The following SHROOM2 variants were observed in gnomAD, a reference collection of about 807,000 sequenced individuals.
The protein encoded by SHROOM2 is protein Shroom2.
Under a neutral mutation model 75.9 loss-of-function variants are expected in SHROOM2, and 33 were observed. The observed-to-expected ratio is 0.43, with a 90% CI of 0.33 to 0.58. The LOEUF is 0.58. Ranked by LOEUF, SHROOM2 falls within the 20% of genes least tolerant of loss-of-function variation. The probability of loss-of-function intolerance (pLI) is 0.04; values close to 1 mark genes in which losing one functional copy is unlikely to be tolerated. For synonymous variants in SHROOM2, 655 were observed against 663.6 expected, an observed-to-expected ratio of 0.99 and a Z score of 0.20; for missense variants, 1,434 against 1,461.2, an observed-to-expected ratio of 0.98 and a Z score of 0.30.
chrX:9,894,532 G>T lies in SHROOM2; in HGVS notation c.624G>T (p.Ser208=). 8.3e-7 allele frequency: 1 copy of T among 1,211,417 alleles called. No individual in the cohort carries two copies. Among genetic ancestry groups the T allele is most frequent in the Non-Finnish European group, 1.1e-6 (1 of 895,446 alleles). The change falls in exon 4 of 10, where the codon TCG becomes TCT. Residue 208 remains serine, a synonymous_variant. Coordinates refer to ENST00000380913, the MANE Select transcript of SHROOM2 (RefSeq NM_001649.4). ...DHLGSHSKRD[S]AYGSFSTSSS... ...TGGGCAGCCACAGCAAGCGCGACTC[G>T]GCCTACGGCTCCTTCTCCACCAGCT...
At chrX:9,855,594 G>A (rs2084065139) in intron 1 of SHROOM2, among the ~76,000 whole-genome samples, 1 of 111,624 alleles carries the variant, frequency 9.0e-6, no homozygotes, top group Non-Finnish European at 1.9e-5. Flanking sequence ...GTCCCTAAAA[G>A]GACTGAGTAC....
intron 5 of SHROOM2, among the ~76,000 whole-genome samples, chrX:9,926,399 C>T (rs967039196): frequency 9.0e-6 from 1 of 111,715 alleles, no homozygotes; most frequent in Non-Finnish European, 1.9e-5. Context: ...CAGCTGATCT[C>T]GTGGGATGTG....
At chrX:9,902,760 T>C (rs2084371534) in intron 5 of SHROOM2, among the ~76,000 whole-genome samples, 3 of 111,730 alleles carry the variant, frequency 2.7e-5, no homozygotes, top group African/African-American at 9.8e-5. Flanking sequence ...TCTGGGTGGC[T>C]CCAGAGACTG....
chrX:9,861,842 G>A (rs1026796264), intron 1 of SHROOM2, among the ~76,000 whole-genome samples: 1 of 111,143 alleles, frequency 9.0e-6, no homozygotes, highest in East Asian at 2.8e-4. Context: ...GAAACGCTCC[G>A]TGCCCCCACC....
chrX:9,895,754 G>A lies in SHROOM2; in HGVS notation c.1846G>A (p.Val616Met), dbSNP rs1263906462. 7 of 1,200,885 alleles carry A rather than the reference G, an allele frequency of 5.8e-6. No homozygotes were observed. The highest frequency in any genetic ancestry group is 5.4e-5 in the South Asian group (3 of 55,497). Residue 616 changes from valine (V) to methionine (M), a missense_variant, in exon 4 of 10, where the codon GTG becomes ATG. Around this residue, in one of 3 missense-constraint regions of SHROOM2, gnomAD observed 1,340 missense variants for 1,338.3 expected, o/e 1.00. Coordinates refer to ENST00000380913, the MANE Select transcript of SHROOM2 (RefSeq NM_001649.4). Reference protein sequence around the residue: ...ATRPPPFDAHVGKPTRRSDRF... With the variant: ...ATRPPPFDAHMGKPTRRSDRF... ...CAGACCGCCACCGTTCGACGCCCAC[G>A]TGGGCAAGCCCACCCGAAGAAGCGA...
rs1309448191 is a variant in SHROOM2, at chrX:9,945,234, G to T, written c.4584+321G>T. Among the ~76,000 whole-genome samples the T allele has an allele frequency of 6.3e-5, 7 of 110,410 alleles. No individual in the cohort carries two copies. The East Asian group carries it at 1.4e-3, about 23-fold the overall frequency. On this transcript the variant is annotated intron_variant, in intron 9 of 9. Transcript: ENST00000380913. ...AGAGATTCTCCCACCTCAGCTTCCC[G>T]GGTAGCTGAGCTCCCAGGTGCATGC...
At chrX:9,890,884 G>C in intron 2 of SHROOM2, 93 bp from the exon 3 acceptor site, 1 of 923,296 alleles carries the variant, frequency 1.1e-6, no homozygotes, top group Non-Finnish European at 1.5e-6. Flanking sequence ...CGTGTGCCCT[G>C]TGTGCGGTCC....
chrX:9,797,043 C>G (rs1043506674), intron 1 of SHROOM2, among the ~76,000 whole-genome samples: 3 of 112,206 alleles, frequency 2.7e-5, no homozygotes, highest in Non-Finnish European at 5.6e-5. Flanking sequence ...TTCACTCTTT[C>G]AATCTTTGGA....
rs748881308 is a variant in SHROOM2 at position 9,895,251 on chromosome X, G to A, written c.1343G>A (p.Gly448Glu). The change falls in exon 4 of 10, where the codon GGG (glycine) becomes GAG (glutamate). Residue 448 changes from glycine (G) to glutamate (E), a missense_variant. By Grantham distance (98) the Gly-to-Glu change is moderately conservative. Transcript: ENST00000380913. Reference protein sequence around the residue: ...LCADSLGQEPGAASFQNDSPP... With the variant: ...LCADSLGQEPEAASFQNDSPP... ...GCTGACAGCCTTGGGCAGGAGCCAG[G>A]GGCTGCCAGCTTCCAGAACGACAGC... The A allele has an allele frequency of 2.5e-6, 3 of 1,188,954 alleles. No individual in the cohort carries two copies. Among genetic ancestry groups the A allele is most frequent in the African/African-American group, 3.5e-5 (2 of 57,231 alleles).
intron 8 of SHROOM2, among the ~76,000 whole-genome samples, chrX:9,942,885 G>A (rs938595135): frequency 9.0e-6 from 1 of 111,616 alleles, no homozygotes; most frequent in African/African-American, 3.3e-5. Context: ...TCTCTGTGTA[G>A]CGTTCCTTCC....
intron 5 of SHROOM2, among the ~76,000 whole-genome samples, chrX:9,903,498 G>GGA (rs2147024874): frequency 8.9e-6 from 1 of 112,196 alleles, no homozygotes; most frequent in East Asian, 2.8e-4. Context: ...GGTAGCTGTA[G>GGA]GAGAGAGCCT....
At chrX:9,792,082 A>G (rs1385746042) in intron 1 of SHROOM2, among the ~76,000 whole-genome samples, 4 of 11,439 alleles carry the variant, frequency 3.5e-4, no homozygotes, top group African/African-American at 7.7e-4. Context: ...AATAGAATAG[A>G]ATAGAATAGA....
At chrX:9,807,343 G>A (rs1252653698) in intron 1 of SHROOM2, among the ~76,000 whole-genome samples, 2 of 112,276 alleles carry the variant, frequency 1.8e-5, no homozygotes, top group Non-Finnish European at 3.8e-5. Flanking sequence ...TCAGGCGTGC[G>A]AGTTTGGGGG....
intron 1 of SHROOM2, among the ~76,000 whole-genome samples, chrX:9,863,906 T>C (rs1302340892): frequency 8.9e-6 from 1 of 111,851 alleles, no homozygotes; most frequent in African/African-American, 3.3e-5. Context: ...GTTGTTAATG[T>C]CCTTACAGAA....
chrX:9,841,166 G>C (rs1179095724), intron 1 of SHROOM2, among the ~76,000 whole-genome samples: 1 of 111,730 alleles, frequency 9.0e-6, no homozygotes, highest in Non-Finnish European at 1.9e-5. Flanking sequence ...GTTTTGGCCA[G>C]GCTAGTCTCA....
chrX:9,880,123 G>T (rs1406909498), intron 2 of SHROOM2, among the ~76,000 whole-genome samples: 2 of 112,038 alleles, frequency 1.8e-5, no homozygotes, highest in Admixed American at 9.4e-5. Flanking sequence ...AGGGATCTGG[G>T]GACAGGTCTT....
chrX:9,828,854 G>A (rs2083901665), intron 1 of SHROOM2, among the ~76,000 whole-genome samples: 1 of 111,991 alleles, frequency 8.9e-6, no homozygotes, highest in Non-Finnish European at 1.9e-5. Context: ...ATTTTGAACA[G>A]GCAAATGACA....
rs747146749 is a variant in SHROOM2, at chrX:9,925,431, GA to G, written c.2892-6742del. Among the ~76,000 whole-genome samples the G allele has an allele frequency of 3.5e-5, 4 of 112,906 alleles. No individual in the cohort carries two copies. The East Asian group carries it at 1.1e-3, about 31-fold the overall frequency. ...CCTGATAAAAATTCTGTGCTTTACA[GA>G]ATCCCTTCTATTTATGCCCACAACC... On this transcript the variant is annotated intron_variant, in intron 5 of 9. Transcript: ENST00000380913.
At chrX:9,893,287 A>G (rs753575363) in intron 3 of SHROOM2, among the ~76,000 whole-genome samples, 119 of 111,216 alleles carry the variant, frequency 1.1e-3, no homozygotes, top group African/African-American at 3.7e-3. Context: ...AAAAGTTTTT[A>G]TAGAGATGGG....
Sources: gnomAD v4.1 joint callset for allele counts (sites outside exome capture counted in the v4.1 genomes callset) on GRCh38, gnomAD v4.1.1 for gene constraint, gnomAD v4.1.1 regional missense constraint, MANE v1.5 for transcripts, NCBI Gene and HGNC (gene_info 2026-07-23, HGNC 2026-07-21) for gene names.